The following PTPRD variants were observed in gnomAD, a reference collection of about 807,000 sequenced individuals.
The protein encoded by PTPRD is protein tyrosine phosphatase receptor type D, also known as receptor-type tyrosine-protein phosphatase delta.
In PTPRD, 34 loss-of-function variants were observed where a neutral mutation model predicts 214.5. The observed-to-expected ratio is 0.16, with a 90% CI of 0.12 to 0.21. PTPRD has a LOEUF of 0.21. Ranked by LOEUF, PTPRD falls within the 10% of genes least tolerant of loss-of-function variation. The pLI is 1.00. For synonymous variants in PTPRD, 1,128 were observed against 845.7 expected (o/e 1.33, Z -5.79); for missense variants, 2,545 against 2,398.7 (o/e 1.06, Z -1.27).
At chr9:9,037,063 T>C (rs939507695) in intron 10 of PTPRD, among the ~76,000 whole-genome samples, 3 of 152,142 alleles carry the variant, frequency 2.0e-5, no homozygotes, top group African/African-American at 7.2e-5. Context: ...ATCTACACAA[T>C]GGTATGTCCA....
At position 9,277,408 on chromosome 9, in the gene PTPRD, A is replaced by G. The variant is rs892637387; in HGVS notation, c.-202-94045T>C. On this transcript the variant is annotated intron_variant, in intron 9 of 45. Coordinates refer to ENST00000381196, the MANE Select transcript of PTPRD (RefSeq NM_002839.4). ...AGAAAACATTGTGTAATTTTTAAAG[A>G]AATGGATAATCACAATTTTTTCCGT... 7.9e-5 allele frequency among the ~76,000 whole-genome samples: 12 copies of G among 151,362 alleles called. 1 individual carries two copies. The highest frequency in any genetic ancestry group is 2.9e-4 in the African/African-American group (12 of 41,336).
At chr9:8,673,071 A>G (rs1050399490) in intron 12 of PTPRD, among the ~76,000 whole-genome samples, 4 of 152,068 alleles carry the variant, frequency 2.6e-5, no homozygotes, top group African/African-American at 7.2e-5. Flanking sequence ...TTTTTTTTCT[A>G]CTAAGATATC....
intron 9 of PTPRD, among the ~76,000 whole-genome samples, chr9:9,198,167 T>C (rs903707880): frequency 6.6e-5 from 10 of 152,340 alleles, no homozygotes; most frequent in Admixed American, 5.9e-4. Flanking sequence ...TGAGCTCACT[T>C]ATTATTTTAA....
chr9:10,276,737 A>G (rs768117871), intron 3 of PTPRD, among the ~76,000 whole-genome samples: 1 of 152,244 alleles, frequency 6.6e-6, no homozygotes, highest in Non-Finnish European at 1.5e-5. Context: ...TAATCATGTC[A>G]GAACAGAAGG....
intron 2 of PTPRD, among the ~76,000 whole-genome samples, chr9:10,357,176 C>G (rs1290503316): frequency 6.6e-6 from 1 of 152,078 alleles, no homozygotes; most frequent in Non-Finnish European, 1.5e-5. Flanking sequence ...TCTATTTCTC[C>G]TAGACCCCCT....
intron 3 of PTPRD, among the ~76,000 whole-genome samples, chr9:10,257,418 T>C (rs370815303): frequency 7.2e-5 from 11 of 152,150 alleles, no homozygotes; most frequent in African/African-American, 2.4e-4. Flanking sequence ...CTGAGCAAAA[T>C]TGCTAGGCAA....
At chr9:10,029,293 G>C (rs1484260159) in intron 4 of PTPRD, among the ~76,000 whole-genome samples, 1 of 152,162 alleles carries the variant, frequency 6.6e-6, no homozygotes, top group Non-Finnish European at 1.5e-5. Context: ...CCCCCATACA[G>C]AGTCCCCACT....
intron 7 of PTPRD, among the ~76,000 whole-genome samples, chr9:9,596,895 T>C (rs1222538102): frequency 6.6e-6 from 1 of 152,044 alleles, no homozygotes. Context: ...CACAAATCAG[T>C]ATACAAAATT....
At chr9:9,739,851 T>G (rs1415555318) in intron 6 of PTPRD, among the ~76,000 whole-genome samples, 2 of 152,068 alleles carry the variant, frequency 1.3e-5, no homozygotes, top group African/African-American at 4.8e-5. Flanking sequence ...AAATTACAGG[T>G]TTCACTTGTA....
chr9:8,733,971 G>T, intron 11 of PTPRD, 25 bp from the exon 12 acceptor site: 4 of 905,920 alleles, frequency 4.4e-6, no homozygotes, highest in Non-Finnish European at 6.8e-6. Flanking sequence ...GAAGAGAAAA[G>T]AAAAGGAAGA....
chr9:9,025,944 G>A lies in PTPRD; in HGVS notation c.-142-7209C>T, dbSNP rs573660234. On this transcript the variant is annotated intron_variant, in intron 10 of 45. Coordinates refer to ENST00000381196, the MANE Select transcript of PTPRD (RefSeq NM_002839.4). ...TTCTAGACACTAGAAATTATAGTCC[G>A]CTCAGATAAACATTTTATGCTAATG... Among the ~76,000 whole-genome samples, 244 of 151,924 alleles carry A rather than the reference G, an allele frequency of 1.6e-3. 2 individuals carry two copies. Among genetic ancestry groups the A allele is most frequent in the African/African-American group, 5.5e-3 (230 of 41,466 alleles).
chr9:10,083,933 T>C (rs930904048), intron 3 of PTPRD, among the ~76,000 whole-genome samples: 8 of 151,946 alleles, frequency 5.3e-5, no homozygotes, highest in Non-Finnish European at 1.2e-4. Flanking sequence ...TCTGCACTAG[T>C]CCACAGCACT....
chr9:8,602,521 TACAA>T (rs79232401), intron 14 of PTPRD, among the ~76,000 whole-genome samples: 14,188 of 152,194 alleles, frequency 0.093, 772 homozygotes, highest in East Asian at 0.17. Flanking sequence ...AAAGACAATA[TACAA>T]ACAAATATTT....
intron 5 of PTPRD, among the ~76,000 whole-genome samples, chr9:9,937,300 A>C (rs1361918345): frequency 1.3e-5 from 2 of 151,652 alleles, no homozygotes; most frequent in East Asian, 1.9e-4. Flanking sequence ...TTCTCTATAT[A>C]CACATAAAAG....
intron 9 of PTPRD, among the ~76,000 whole-genome samples, chr9:9,336,478 G>A (rs1373159247): frequency 6.6e-6 from 1 of 152,054 alleles, no homozygotes; most frequent in Non-Finnish European, 1.5e-5. Flanking sequence ...GGACAGGCTG[G>A]CTACATAGTT....
At chr9:8,539,993 T>G (rs960604845) in intron 14 of PTPRD, among the ~76,000 whole-genome samples, 5 of 152,090 alleles carry the variant, frequency 3.3e-5, no homozygotes, top group Non-Finnish European at 7.4e-5. Flanking sequence ...ATAGTCCCAT[T>G]GTAGTTAGGT....
At chr9:10,162,615 A>G (rs2099133929) in intron 3 of PTPRD, among the ~76,000 whole-genome samples, 1 of 149,580 alleles carries the variant, frequency 6.7e-6, no homozygotes, top group Admixed American at 6.7e-5. Context: ...ACGTACGTAT[A>G]TACACATATA....
intron 21 of PTPRD, among the ~76,000 whole-genome samples, chr9:8,514,885 C>T (rs1399541068): frequency 3.3e-5 from 5 of 152,034 alleles, no homozygotes; most frequent in Non-Finnish European, 7.4e-5. Flanking sequence ...ATGCCGTTGT[C>T]GTGATAGTGA....
chr9:8,858,429 A>C (rs2098003269), intron 11 of PTPRD: 1 of 152,524 alleles, frequency 6.6e-6, no homozygotes, highest in East Asian at 1.9e-4. Context: ...GGTGCAGCCC[A>C]GTCTTTGGAC....
Sources: gnomAD v4.1 joint callset for allele counts (sites outside exome capture counted in the v4.1 genomes callset) on GRCh38, gnomAD v4.1.1 for gene constraint, MANE v1.5 for transcripts, NCBI Gene and HGNC (gene_info 2026-07-23, HGNC 2026-07-21) for gene names.